DYM: variants seen among roughly 807,000 people sequenced by gnomAD.
DYM encodes the protein dymeclin, also known as dyggve-Melchior-Clausen syndrome protein.
Under a neutral mutation model 93.1 loss-of-function variants are expected in DYM, and 78 were observed. The observed-to-expected ratio is 0.84, with a 90% CI of 0.70 to 1.01. The LOEUF is 1.01. Among genes scored for constraint, DYM ranks in the 50% least tolerant of loss-of-function variants. DYM has a pLI of 0.00. For missense variants in DYM, 789 were observed against 845.0 expected, an observed-to-expected ratio of 0.93 and a Z score of 0.82; for synonymous variants, 321 against 319.7, an observed-to-expected ratio of 1.00 and a Z score of -0.04.
In DYM at chr18:49,397,837, C is replaced by T. The variant is rs116063696; in HGVS notation, c.141-6192G>A. ...TTTCATTAATTTTATATTCATATAA[C>T]GATTATATCTGGGAAACTGGGGTTA... On this transcript the variant is annotated intron_variant, in intron 2 of 17. Coordinates refer to ENST00000675505, the MANE Select transcript of DYM (RefSeq NM_001353214.3). Among the ~76,000 whole-genome samples the T allele has an allele frequency of 3.5e-3, 534 of 152,204 alleles. 4 individuals are homozygous for T. The highest frequency in any genetic ancestry group is 0.012 in the African/African-American group (490 of 41,542).
At chr18:49,399,354 T>C (rs553095367) in intron 2 of DYM, among the ~76,000 whole-genome samples, 1 of 152,270 alleles carries the variant, frequency 6.6e-6, no homozygotes, top group East Asian at 1.9e-4. Context: ...GAGCCTGGCA[T>C]GCCCTGGGAA....
intron 8 of DYM, among the ~76,000 whole-genome samples, chr18:49,322,543 T>A (rs947813146): frequency 6.6e-6 from 1 of 152,034 alleles, no homozygotes; most frequent in Non-Finnish European, 1.5e-5. Flanking sequence ...TTTCACCTCA[T>A]GGTATCAAAT....
At chr18:49,310,455 G>C (rs914522447) in intron 8 of DYM, among the ~76,000 whole-genome samples, 1 of 150,386 alleles carries the variant, frequency 6.6e-6, no homozygotes. Flanking sequence ...GCCCCCGCAT[G>C]TGTAAAATTA....
At chr18:49,260,121 T>C (rs979643859) in intron 11 of DYM, among the ~76,000 whole-genome samples, 9 of 152,332 alleles carry the variant, frequency 5.9e-5, no homozygotes, top group Middle Eastern at 3.4e-3. Context: ...AAAAGTATCA[T>C]GGCAGCTGGG....
chr18:49,152,356 T>G (rs545569900), intron 15 of DYM, among the ~76,000 whole-genome samples: 6 of 152,174 alleles, frequency 3.9e-5, no homozygotes, highest in Non-Finnish European at 8.8e-5. Context: ...AATATTGTCC[T>G]TAGAATCACT....
In DYM at chr18:49,234,745, C is replaced by T. The variant is rs78591254; in HGVS notation, c.1460+22265G>A. Among the ~76,000 whole-genome samples the T allele has an allele frequency of 3.1e-3, 479 of 152,204 alleles. 4 individuals carry two copies. Among genetic ancestry groups the T allele is most frequent in the African/African-American group, 0.011 (442 of 41,524 alleles). On this transcript the variant is annotated intron_variant, in intron 13 of 17. Coordinates refer to ENST00000675505, the MANE Select transcript of DYM (RefSeq NM_001353214.3). ...TAATTAAGATTATTGTCCTTAAAAC[C>T]GGGAGACTATCCTGGATTATCCAAA...
At chr18:49,372,664 G>A (rs1302303644) in intron 5 of DYM, among the ~76,000 whole-genome samples, 1 of 152,170 alleles carries the variant, frequency 6.6e-6, no homozygotes, top group Non-Finnish European at 1.5e-5. Context: ...AGAATTGCTT[G>A]AACCTGGGAG....
At chr18:49,170,867 A>C (rs1264284665) in intron 14 of DYM, among the ~76,000 whole-genome samples, 2 of 151,850 alleles carry the variant, frequency 1.3e-5, no homozygotes, top group Non-Finnish European at 2.9e-5. Flanking sequence ...GGGTCACTTA[A>C]ATAAGAAGTA....
chr18:49,265,520 T>G (rs1465444424), intron 11 of DYM, among the ~76,000 whole-genome samples: 2 of 152,162 alleles, frequency 1.3e-5, no homozygotes, highest in Admixed American at 1.3e-4. Context: ...GGCTCACGCC[T>G]GTAATCCCAG....
intron 11 of DYM, among the ~76,000 whole-genome samples, chr18:49,259,828 A>C (rs1184074231): frequency 6.6e-6 from 1 of 152,222 alleles, no homozygotes; most frequent in Non-Finnish European, 1.5e-5. Context: ...TAACGACTAC[A>C]TGAAGATCCA....
intron 5 of DYM, among the ~76,000 whole-genome samples, chr18:49,372,457 A>G (rs528247750): frequency 6.6e-6 from 1 of 152,342 alleles, no homozygotes; most frequent in East Asian, 1.9e-4. Context: ...AAGAACATGT[A>G]TAGGGCCGGG....
intron 6 of DYM, among the ~76,000 whole-genome samples, chr18:49,352,039 T>TA (rs1360470902): frequency 4.6e-5 from 7 of 151,980 alleles, no homozygotes; most frequent in Non-Finnish European, 1.5e-5. Context: ...GCTAAAATAA[T>TA]AAAAAAAGAA....
chr18:49,395,070 T>C (rs750981217), intron 2 of DYM, among the ~76,000 whole-genome samples: 17 of 152,156 alleles, frequency 1.1e-4, no homozygotes, highest in Non-Finnish European at 2.2e-4. Flanking sequence ...CTTCAGCACA[T>C]TGGTCTGGGC....
intron 16 of DYM, among the ~76,000 whole-genome samples, chr18:49,102,206 T>C (rs1447029101): frequency 6.6e-6 from 1 of 152,216 alleles, no homozygotes; most frequent in East Asian, 1.9e-4. Flanking sequence ...TGTGAGCACT[T>C]ACCATGCGCA....
intron 17 of DYM, among the ~76,000 whole-genome samples, chr18:49,080,879 G>A (rs1157006875): frequency 2.6e-5 from 4 of 151,928 alleles, no homozygotes; most frequent in Admixed American, 1.3e-4. Flanking sequence ...CGGCCGGGCA[G>A]AGGCGCTCCC....
chr18:49,371,503 C>T (rs1298571676), intron 5 of DYM, among the ~76,000 whole-genome samples: 3 of 152,082 alleles, frequency 2.0e-5, no homozygotes, highest in African/African-American at 7.2e-5. Context: ...TCAATGACAT[C>T]AAATACACAA....
chr18:49,459,013 T>C lies in DYM; in HGVS notation c.-54+1385A>G, dbSNP rs138490085. Among the ~76,000 whole-genome samples the C allele has an allele frequency of 1.6e-3, 238 of 152,344 alleles. 9 individuals are homozygous for C. The East Asian group carries it at 0.042, about 27-fold the overall frequency. On this transcript the variant is annotated intron_variant, in intron 1 of 17. Transcript: ENST00000675505. ...TGAGTTAACTGCTGAAGCTGGGTAATGGGTACATGGGAGTACCCTTTATTA... is the reference window on the plus strand; with the variant it reads ...TGAGTTAACTGCTGAAGCTGGGTAACGGGTACATGGGAGTACCCTTTATTA...
intron 13 of DYM, among the ~76,000 whole-genome samples, chr18:49,251,531 G>T (rs911617642): frequency 6.6e-6 from 1 of 152,196 alleles, no homozygotes; most frequent in South Asian, 2.1e-4. Context: ...TAAACATAAT[G>T]AAAGTCTGAA....
At chr18:49,368,661 G>C (rs1003029776) in intron 5 of DYM, 2 of 152,220 alleles carry the variant, frequency 1.3e-5, no homozygotes, top group Non-Finnish European at 1.5e-5. Flanking sequence ...AGAGAAAAGA[G>C]AGCAGAGAAC....
Sources: gnomAD v4.1 joint callset for allele counts (sites outside exome capture counted in the v4.1 genomes callset) on GRCh38, gnomAD v4.1.1 for gene constraint, MANE v1.5 for transcripts, NCBI Gene and HGNC (gene_info 2026-07-23, HGNC 2026-07-21) for gene names.